The following SLF1 variants were observed in gnomAD, a reference collection of about 807,000 sequenced individuals.
SLF1 encodes the protein SMC5-SMC6 complex localization factor protein 1.
A neutral mutation model predicts 123.0 loss-of-function variants in SLF1; 105 were observed. That is an observed-to-expected ratio of 0.85 (90% confidence interval 0.73 to 1.00). SLF1 has a LOEUF of 1.00. Among genes scored for constraint, SLF1 ranks in the 50% least tolerant of loss-of-function variants. The pLI is 0.00. For missense variants in SLF1, 1,239 were observed against 1,223.0 expected (o/e 1.01, Z -0.20); for synonymous variants, 434 against 406.6 (o/e 1.07, Z -0.81).
At chr5:94,686,098 A>G (rs1406490577) in intron 15 of SLF1, among the ~76,000 whole-genome samples, 1 of 151,752 alleles carries the variant, frequency 6.6e-6, no homozygotes, top group African/African-American at 2.4e-5. Flanking sequence ...GATAAGATTC[A>G]TGGGTGTTGT....
chr5:94,632,736 T>C (rs1745341597), intron 4 of SLF1, among the ~76,000 whole-genome samples: 1 of 152,312 alleles, frequency 6.6e-6, no homozygotes, highest in South Asian at 2.1e-4. Flanking sequence ...AGTCTCGGTC[T>C]GTCGCCCAGG....
intron 8 of SLF1, 115 bp downstream of exon 8, chr5:94,653,536 TA>T: frequency 1.1e-6 from 1 of 874,338 alleles, no homozygotes; most frequent in Non-Finnish European, 1.6e-6. Flanking sequence ...CAATCTGGTG[TA>T]ATATTCATAG....
Position 94,670,134 on chromosome 5 carries a change from G to A in SLF1, c.1533-17G>A, listed in dbSNP as rs1391689568. On this transcript the variant is annotated splice_polypyrimidine_tract_variant and intron_variant, in intron 12 of 20. Transcript: ENST00000265140. The stretch of plus-strand genomic sequence containing the variant: ...AATTGCTTGTATGTTATAGATTTTT[G>A]GGTTCATGTTTTTCAGGTCTTGCCT... 2 of 1,525,404 alleles carry A rather than the reference G, an allele frequency of 1.3e-6. No individual in the cohort carries two copies. Among genetic ancestry groups the A allele is most frequent in the Admixed American group, 2.2e-5 (1 of 46,310 alleles). 94.5% of individuals were successfully genotyped at this position (1,525,404 alleles called of 1,614,324 possible).
At chr5:94,644,061 T>G (rs1401600178) in intron 5 of SLF1, among the ~76,000 whole-genome samples, 1 of 152,184 alleles carries the variant, frequency 6.6e-6, no homozygotes, top group African/African-American at 2.4e-5. Context: ...TCTCCCTTAC[T>G]TCTCACATCT....
At chr5:94,629,775 C>T (rs962089652) in intron 3 of SLF1, 2 of 152,174 alleles carry the variant, frequency 1.3e-5, no homozygotes, top group African/African-American at 4.8e-5. Context: ...AAGGAAAACA[C>T]TTGCATTCGT....
intron 3 of SLF1, 67 bp downstream of exon 3, chr5:94,629,234 T>G: frequency 8.8e-7 from 1 of 1,140,146 alleles, no homozygotes; most frequent in Non-Finnish European, 1.2e-6. Flanking sequence ...TATTTTAGTC[T>G]CTGGAGAGAT....
chr5:94,628,976 C>A (rs577631922), intron 2 of SLF1, 52 bp downstream of exon 2: 21 of 1,428,546 alleles, frequency 1.5e-5, no homozygotes, highest in African/African-American at 1.3e-4. Flanking sequence ...AACTACAATT[C>A]AAATACTGGC....
rs1311373946 is a variant in SLF1 at position 94,629,183 on chromosome 5, T to TC, written c.190+21dup. On this transcript the variant is annotated intron_variant, in intron 3 of 20. Transcript: ENST00000265140. Reference sequence around the variant, plus strand: ...TGTGCGGCAGGTAAGTTAACTGTCTTCCCCCAACTTTTAAAAACAATCTTC... The same window carrying TC: ...TGTGCGGCAGGTAAGTTAACTGTCTTCCCCCCAACTTTTAAAAACAATCTTC... 1.3e-6 allele frequency: 2 copies of TC among 1,535,330 alleles called. No homozygotes were observed. Among genetic ancestry groups the TC allele is most frequent in the African/African-American group, 1.4e-5 (1 of 72,406 alleles).
intron 1 of SLF1, among the ~76,000 whole-genome samples, chr5:94,621,288 C>T (rs142510992): frequency 9.9e-5 from 15 of 152,234 alleles, no homozygotes; most frequent in African/African-American, 3.1e-4. Context: ...CTTATATGTG[C>T]ATCTTGTTTT....
chr5:94,667,722 C>T (rs541271457), intron 12 of SLF1, among the ~76,000 whole-genome samples: 4 of 151,874 alleles, frequency 2.6e-5, no homozygotes, highest in East Asian at 1.9e-4. Flanking sequence ...TTATGTTTTC[C>T]GAATTTCCTA....
At position 94,624,582 on chromosome 5, in the gene SLF1, ACATAGTATATGTTTAT is replaced by A. The variant is rs1247339026; in HGVS notation, c.1-4228_1-4213del. 2.0e-5 allele frequency among the ~76,000 whole-genome samples: 3 copies of A among 152,222 alleles called. No homozygotes were observed. The East Asian group carries it at 5.8e-4, about 29-fold the overall frequency. ...CTATTAACATGATCTGGAAACAGCA[ACATAGTATATGTTTAT>A]TTCTGTATAACTTGTTTAATTCTGA... On this transcript the variant is annotated intron_variant, in intron 1 of 20. Transcript: ENST00000265140.
At chr5:94,690,062 A>G (rs1288132691) in intron 18 of SLF1, among the ~76,000 whole-genome samples, 1 of 152,192 alleles carries the variant, frequency 6.6e-6, no homozygotes, top group East Asian at 1.9e-4. Flanking sequence ...CTTTTCTTCC[A>G]GGCATTGAGC....
intron 15 of SLF1, among the ~76,000 whole-genome samples, chr5:94,682,100 A>G (rs936236467): frequency 3.3e-5 from 5 of 152,226 alleles, no homozygotes; most frequent in Non-Finnish European, 7.3e-5. Flanking sequence ...ACACTTTTCA[A>G]TAGTGACAAT....
chr5:94,682,040 G>A (rs72773556), intron 15 of SLF1, among the ~76,000 whole-genome samples: 17,742 of 152,212 alleles, frequency 0.12, 1,415 homozygotes, highest in East Asian at 0.32. Context: ...GTGCATGTGC[G>A]CGTGTGCACA....
rs1753438473 is a variant in SLF1, at chr5:94,695,153, GT to G, written c.3020del (p.Leu1007TyrfsTer9). ...AAACCACCAGTGTTCATACTGACTG[GT>G]TACTGGATCTTTATGCTGGAAATAT... Reference protein sequence around the residue: ...KETTSVHTDWLLDLYAGNIKT... With the variant: ...KETTSVHTDWXLDLYAGNIKT... On this transcript the variant is annotated frameshift_variant, in exon 21 of 21. Coordinates refer to ENST00000265140, the MANE Select transcript of SLF1 (RefSeq NM_032290.4). LOFTEE classifies it high-confidence loss of function. 6.2e-7 allele frequency: 1 copy of G among 1,612,638 alleles called. No individual in the cohort carries two copies.
chr5:94,622,353 A>C (rs17328434), intron 1 of SLF1, among the ~76,000 whole-genome samples: 12,416 of 152,244 alleles, frequency 0.082, 562 homozygotes, highest in South Asian at 0.12. Flanking sequence ...AAGTAGGTTT[A>C]AAATCAAAAG....
At chr5:94,668,419 C>T (rs2201620) in intron 12 of SLF1, among the ~76,000 whole-genome samples, 33,862 of 151,670 alleles carry the variant, frequency 0.22, 3,903 homozygotes, top group East Asian at 0.35. Context: ...CTGCAACCTC[C>T]GCCTCGCAGG....
intron 17 of SLF1, among the ~76,000 whole-genome samples, chr5:94,689,002 C>A (rs1752762534): frequency 6.8e-6 from 1 of 147,560 alleles, no homozygotes; most frequent in African/African-American, 2.5e-5. Context: ...ATGAGATATC[C>A]TGTATCATTA....
Position 94,697,540 on chromosome 5 carries a change from A to G in SLF1, c.*2228A>G, listed in dbSNP as rs1196125902. On this transcript the variant is annotated 3_prime_UTR_variant, in exon 21 of 21. Transcript: ENST00000265140. The stretch of plus-strand genomic sequence containing the variant: ...TTGCCAGATGTGATATCATAGTTCT[A>G]TGGAATCATATTTTTTAAATTTCTG... The G allele has an allele frequency of 1.3e-5, 2 of 151,858 alleles. No homozygotes were observed. Among genetic ancestry groups the G allele is most frequent in the Non-Finnish European group, 2.9e-5 (2 of 67,892 alleles). The allele number at this position is 151,858 out of a possible 1,614,324, so 9.4% of individuals were successfully genotyped here.
Sources: allele counts gnomAD v4.1 joint callset (sites outside exome capture counted in the v4.1 genomes callset), GRCh38; gene constraint gnomAD v4.1.1; transcripts MANE v1.5; gene names NCBI Gene and HGNC (gene_info 2026-07-23, HGNC 2026-07-21).